GPAT4: variants seen among roughly 807,000 people sequenced by gnomAD.
The protein encoded by GPAT4 is glycerol-3-phosphate acyltransferase 4.
Under a neutral mutation model 58.0 loss-of-function variants are expected in GPAT4, and 17 were observed. The observed-to-expected ratio is 0.29, with a 90% CI of 0.20 to 0.44. The LOEUF is 0.44. GPAT4 is among the 20% of genes least tolerant of loss of function. GPAT4 has a pLI of 1.00. For synonymous variants in GPAT4, 204 were observed against 210.1 expected, an observed-to-expected ratio of 0.97 and a Z score of 0.25; for missense variants, 377 against 574.5, an observed-to-expected ratio of 0.66 and a Z score of 3.51.
chr8:41,618,894 A>T lies in GPAT4; in HGVS notation c.1183-4A>T. ...TGAGTGGTCTCATTTGTTCTTTCTTACAGGCAGATGAAGATGCTGTCCAGT... is the reference window on the plus strand; with the variant it reads ...TGAGTGGTCTCATTTGTTCTTTCTTTCAGGCAGATGAAGATGCTGTCCAGT... On this transcript the variant is annotated splice_polypyrimidine_tract_variant and splice_region_variant and intron_variant, in intron 11 of 12. Coordinates refer to ENST00000396987, the MANE Select transcript of GPAT4 (RefSeq NM_178819.4). 6.2e-7 allele frequency: 1 copy of T among 1,614,156 alleles called. No homozygotes were observed. The highest frequency in any genetic ancestry group is 8.5e-7 in the Non-Finnish European group (1 of 1,180,040).
intron 2 of GPAT4, among the ~76,000 whole-genome samples, chr8:41,600,591 T>TC (rs908447462): frequency 2.6e-5 from 4 of 152,030 alleles, no homozygotes; most frequent in Non-Finnish European, 4.4e-5. Context: ...ATATGGTGTT[T>TC]TTTTTTTTTA....
At chr8:41,592,921 C>A (rs1802832820) in intron 1 of GPAT4, among the ~76,000 whole-genome samples, 1 of 152,164 alleles carries the variant, frequency 6.6e-6, no homozygotes, top group Admixed American at 6.5e-5. Flanking sequence ...GGAAGGGCCA[C>A]TTTTTCCTTT....
intron 2 of GPAT4, among the ~76,000 whole-genome samples, chr8:41,604,614 GA>G (rs1803206616): frequency 6.6e-6 from 1 of 152,238 alleles, no homozygotes; most frequent in Non-Finnish European, 1.5e-5. Context: ...GGGGAGAGAA[GA>G]AAGCCTGGAT....
At chr8:41,611,087 A>G (rs7825768) in intron 5 of GPAT4, among the ~76,000 whole-genome samples, 84,378 of 151,950 alleles carry the variant, frequency 0.56, 24,038 homozygotes, top group Middle Eastern at 0.71. Context: ...TTAGCCAGGC[A>G]CGGTGGCGGG....
intron 2 of GPAT4, among the ~76,000 whole-genome samples, chr8:41,599,691 A>G (rs899640112): frequency 6.6e-6 from 1 of 152,240 alleles, no homozygotes; most frequent in Non-Finnish European, 1.5e-5. Context: ...ATTTATTCTA[A>G]GTAGGTCCTT....
chr8:41,618,989 G>T lies in GPAT4; in HGVS notation c.1262+12G>T, dbSNP rs756382868. On this transcript the variant is annotated intron_variant, in intron 12 of 12. Coordinates refer to ENST00000396987, the MANE Select transcript of GPAT4 (RefSeq NM_178819.4). ...GTGGACCTGCTGTGGTAAGTTTAGA[G>T]CCAGGCCTTTTCAGCTGAGTTTCTG... The T allele has an allele frequency of 1.9e-6, 3 of 1,614,112 alleles. No homozygotes were observed. Among genetic ancestry groups the T allele is most frequent in the African/African-American group, 2.7e-5 (2 of 74,950 alleles).
At chr8:41,595,161 T>G (rs925526725) in intron 1 of GPAT4, among the ~76,000 whole-genome samples, 45 of 150,680 alleles carry the variant, frequency 3.0e-4, no homozygotes, top group Non-Finnish European at 5.3e-4. Context: ...GTATAGTTTT[T>G]TTTTTTTTTT....
At chr8:41,613,640 C>T (rs1803507938) in intron 8 of GPAT4, among the ~76,000 whole-genome samples, 1 of 152,132 alleles carries the variant, frequency 6.6e-6, no homozygotes, top group African/African-American at 2.4e-5. Flanking sequence ...ACAGAGACAT[C>T]AAGACAGTTG....
chr8:41,600,077 C>T (rs1176140247), intron 2 of GPAT4, among the ~76,000 whole-genome samples: 7 of 131,252 alleles, frequency 5.3e-5, no homozygotes, highest in Non-Finnish European at 9.4e-5. Context: ...CTCACTCTGT[C>T]GCCCAGGCTG....
In GPAT4 at chr8:41,606,246, C is replaced by T. The variant is rs1351386746; in HGVS notation, c.166-3170C>T. Among the ~76,000 whole-genome samples, 3 of 152,164 alleles carry T rather than the reference C, an allele frequency of 2.0e-5. No homozygotes were observed. The East Asian group carries it at 5.8e-4, about 29-fold the overall frequency. On this transcript the variant is annotated intron_variant, in intron 2 of 12. Transcript: ENST00000396987. ...GTCATGTGAGACTTTCAACTTGGAT[C>T]TGAAGTAGGGGCAGTCATGTGGGAC...
chr8:41,590,996 G>A (rs959220837), intron 1 of GPAT4, among the ~76,000 whole-genome samples: 7 of 152,128 alleles, frequency 4.6e-5, no homozygotes, highest in African/African-American at 1.4e-4. Context: ...AGAAGGAAAG[G>A]GTTTTATTCA....
chr8:41,611,847 C>T, intron 5 of GPAT4, 56 bp from the exon 6 acceptor site: 1 of 1,541,888 alleles, frequency 6.5e-7, no homozygotes, highest in Admixed American at 1.7e-5. Context: ...GTCAGTAACT[C>T]TTTCTGTCTT....
At chr8:41,591,658 A>C (rs903425021) in intron 1 of GPAT4, among the ~76,000 whole-genome samples, 1 of 152,232 alleles carries the variant, frequency 6.6e-6, no homozygotes, top group African/African-American at 2.4e-5. Context: ...TGTAACTCCT[A>C]TTATAAGAGT....
intron 2 of GPAT4, among the ~76,000 whole-genome samples, chr8:41,599,923 T>C (rs899757802): frequency 6.6e-6 from 1 of 152,204 alleles, no homozygotes; most frequent in African/African-American, 2.4e-5. Flanking sequence ...GATTTCATTG[T>C]AATGTCTGTT....
chr8:41,610,634 T>A, intron 4 of GPAT4, 102 bp from the exon 5 acceptor site: 1 of 1,564,786 alleles, frequency 6.4e-7, no homozygotes. Context: ...GAGCAGGTCT[T>A]GGGGGTGGTT....
At chr8:41,591,957 A>G (rs1802800651) in intron 1 of GPAT4, among the ~76,000 whole-genome samples, 1 of 152,192 alleles carries the variant, frequency 6.6e-6, no homozygotes, top group Admixed American at 6.5e-5. Flanking sequence ...TTTATTAGTG[A>G]TTATTTCTAA....
chr8:41,601,477 A>C (rs1394070281), intron 2 of GPAT4, among the ~76,000 whole-genome samples: 3 of 152,204 alleles, frequency 2.0e-5, no homozygotes, highest in African/African-American at 7.2e-5. Context: ...ACCATGAAAA[A>C]CATCTATCAG....
At position 41,618,810 on chromosome 8, in the gene GPAT4, G is replaced by A; in HGVS notation, c.1180G>A (p.Glu394Lys). The A allele has an allele frequency of 6.2e-7, 1 of 1,614,270 alleles. No individual in the cohort carries two copies. The highest frequency in any genetic ancestry group is 8.5e-7 in the Non-Finnish European group (1 of 1,180,054). ...GTGGTACCTGCCTCCCATGACTAGA[G>A]AGGTGAGTGCCTGCCCCAGGCAGGT... ...SVWYLPPMTREADEDAVQFAN... is the reference protein window; with the variant it reads ...SVWYLPPMTRKADEDAVQFAN... The change falls in exon 11 of 13, where the codon GAG (glutamate) becomes AAG (lysine). Residue 394 changes from glutamate to lysine, a missense_variant and splice_region_variant. Glu to Lys is a moderately conservative substitution (Grantham distance 56, BLOSUM62 1). Coordinates refer to ENST00000396987, the MANE Select transcript of GPAT4 (RefSeq NM_178819.4).
intron 7 of GPAT4, 119 bp from the exon 8 acceptor site, chr8:41,612,726 C>A: frequency 2.4e-6 from 2 of 830,224 alleles, no homozygotes; most frequent in Non-Finnish European, 3.7e-6. Context: ...AACCTTCAGC[C>A]GGCAAGCGTT....
Sources: allele counts gnomAD v4.1 joint callset (sites outside exome capture counted in the v4.1 genomes callset), GRCh38; gene constraint gnomAD v4.1.1; transcripts MANE v1.5; gene names NCBI Gene and HGNC (gene_info 2026-07-23, HGNC 2026-07-21).